Variants in MBOAT2 observed in about 807,000 individuals in gnomAD.
The protein encoded by MBOAT2 is membrane-bound glycerophospholipid O-acyltransferase 2.
MBOAT2 carries 28 observed loss-of-function variants against 63.4 expected under a neutral mutation model. That is an observed-to-expected ratio of 0.44 (90% CI 0.33 to 0.61). MBOAT2 has a LOEUF of 0.61. MBOAT2 is among the 20% of genes least tolerant of loss of function. The pLI, the probability that MBOAT2 is intolerant of heterozygous loss-of-function variation, is 0.03. For synonymous variants in MBOAT2, 211 were observed against 215.6 expected (o/e 0.98, Z 0.19); for missense variants, 470 against 605.8 (o/e 0.78, Z 2.35).
At chr2:8,890,511 T>C (rs774250281) in intron 4 of MBOAT2, among the ~76,000 whole-genome samples, 1 of 152,176 alleles carries the variant, frequency 6.6e-6, no homozygotes, top group Non-Finnish European at 1.5e-5. Flanking sequence ...GCACAAAATA[T>C]GTGCTAAATG....
intron 1 of MBOAT2, among the ~76,000 whole-genome samples, chr2:8,996,836 T>C (rs1672344087): frequency 6.6e-6 from 1 of 152,242 alleles, no homozygotes; most frequent in Non-Finnish European, 1.5e-5. Flanking sequence ...AGCAGAACCC[T>C]GAATGATACG....
At chr2:8,948,855 C>T (rs1668608980) in intron 2 of MBOAT2, among the ~76,000 whole-genome samples, 1 of 152,196 alleles carries the variant, frequency 6.6e-6, no homozygotes, top group South Asian at 2.1e-4. Context: ...GGGGTATATA[C>T]CCAGTAATGG....
At chr2:8,904,133 C>T (rs1277284795) in intron 4 of MBOAT2, among the ~76,000 whole-genome samples, 1 of 151,816 alleles carries the variant, frequency 6.6e-6, no homozygotes, top group Non-Finnish European at 1.5e-5. Context: ...TGCGCCACCA[C>T]GTGGCTAATT....
rs572025711 is a variant in MBOAT2 at position 8,913,123 on chromosome 2, G to A, written c.300-4407C>T. On this transcript the variant is annotated intron_variant, in intron 3 of 12. Coordinates refer to ENST00000305997, the MANE Select transcript of MBOAT2 (RefSeq NM_138799.4). ...CACCCTTTTCAACAAATGGATAATT[G>A]GCTAGCCACATGTAGGAGAATGAAA... is the stretch of plus-strand genomic sequence containing the variant. 7.0e-4 allele frequency among the ~76,000 whole-genome samples: 107 copies of A among 152,142 alleles called. 1 individual carries two copies. The highest frequency in any genetic ancestry group is 2.4e-3 in the African/African-American group (98 of 41,522).
chr2:8,974,524 G>GA (rs1434652795), intron 1 of MBOAT2: 1 of 431,304 alleles, frequency 2.3e-6, no homozygotes, highest in Non-Finnish European at 4.7e-6. Context: ...AACCAATCCA[G>GA]AAAGCATGCT....
chr2:8,886,843 G>T (rs929831940), intron 5 of MBOAT2, among the ~76,000 whole-genome samples: 1 of 152,168 alleles, frequency 6.6e-6, no homozygotes, highest in Non-Finnish European at 1.5e-5. Flanking sequence ...GCATACTACA[G>T]AAGTTCTAGC....
At chr2:8,924,522 G>A (rs1666804003) in intron 3 of MBOAT2, among the ~76,000 whole-genome samples, 1 of 152,132 alleles carries the variant, frequency 6.6e-6, no homozygotes, top group African/African-American at 2.4e-5. Flanking sequence ...AATCGTGAGG[G>A]ATTTTGTTTG....
At chr2:8,929,747 G>C (rs1475240729) in intron 3 of MBOAT2, among the ~76,000 whole-genome samples, 1 of 152,092 alleles carries the variant, frequency 6.6e-6, no homozygotes, top group Non-Finnish European at 1.5e-5. Flanking sequence ...TCTAGTAATG[G>C]GACTGCTGGG....
chr2:8,936,825 A>T (rs997246661), intron 3 of MBOAT2, among the ~76,000 whole-genome samples: 1 of 145,162 alleles, frequency 6.9e-6, no homozygotes, highest in Non-Finnish European at 1.5e-5. Flanking sequence ...AAGAAAAGAA[A>T]AAAAAAGAAA....
At chr2:8,876,733 G>GGGGGAAT (rs1662728381) in intron 7 of MBOAT2, among the ~76,000 whole-genome samples, 1 of 151,798 alleles carries the variant, frequency 6.6e-6, no homozygotes, top group Non-Finnish European at 1.5e-5. Flanking sequence ...GAAGGGGGAA[G>GGGGGAAT]GGAGCCTGGA....
intron 3 of MBOAT2, among the ~76,000 whole-genome samples, chr2:8,925,039 C>T (rs951768949): frequency 2.0e-5 from 3 of 152,072 alleles, no homozygotes; most frequent in Admixed American, 6.6e-5. Flanking sequence ...ATGGCAGAAT[C>T]GTGGAGCAAC....
At chr2:8,929,134 G>A (rs1667136036) in intron 3 of MBOAT2, among the ~76,000 whole-genome samples, 1 of 152,192 alleles carries the variant, frequency 6.6e-6, no homozygotes, top group Non-Finnish European at 1.5e-5. Context: ...TTGTATGCCA[G>A]GTGGGGATAA....
intron 1 of MBOAT2, among the ~76,000 whole-genome samples, chr2:8,971,881 T>C (rs898332930): frequency 2.0e-5 from 3 of 152,154 alleles, no homozygotes; most frequent in Non-Finnish European, 4.4e-5. Context: ...TACCAACAAA[T>C]GGAAGAACAT....
At chr2:8,976,839 T>C (rs953563422) in intron 1 of MBOAT2, among the ~76,000 whole-genome samples, 1 of 152,148 alleles carries the variant, frequency 6.6e-6, no homozygotes, top group East Asian at 1.9e-4. Context: ...AATAGGATAT[T>C]ACTTACTTAG....
chr2:8,932,639 G>C (rs903315501), intron 3 of MBOAT2, among the ~76,000 whole-genome samples: 29 of 151,956 alleles, frequency 1.9e-4, no homozygotes, highest in African/African-American at 5.1e-4. Context: ...CCAGTTACTG[G>C]TTTTGTGACC....
rs1392574515 is a variant in MBOAT2, at chr2:8,996,883, C to T, written c.75+6657G>A. On this transcript the variant is annotated intron_variant, in intron 1 of 12. Coordinates refer to ENST00000305997, the MANE Select transcript of MBOAT2 (RefSeq NM_138799.4). ...GCAGAATGTAAATGCCAGAACAATG[C>T]CAAATCCAAAATACTCTCGTGGCTC... is the stretch of plus-strand genomic sequence containing the variant. Among the ~76,000 whole-genome samples, 3 of 152,278 alleles carry T rather than the reference C, an allele frequency of 2.0e-5. No individual in the cohort carries two copies. The East Asian group carries it at 5.8e-4, about 29-fold the overall frequency.
chr2:8,931,984 G>A (rs953635603), intron 3 of MBOAT2, among the ~76,000 whole-genome samples: 3 of 152,046 alleles, frequency 2.0e-5, no homozygotes, highest in African/African-American at 4.8e-5. Flanking sequence ...TTCAATTTTC[G>A]CCATGAGGAA....
chr2:8,929,470 G>GC (rs533481707), intron 3 of MBOAT2, among the ~76,000 whole-genome samples: 13 of 152,134 alleles, frequency 8.5e-5, no homozygotes, highest in Non-Finnish European at 1.8e-4. Context: ...TCCGGCCTCA[G>GC]CCCCCCAAGT....
Position 8,855,353 on chromosome 2 carries a change from T to C in MBOAT2, c.*3326A>G, listed in dbSNP as rs1469596902. ...TGGCTCCTCCAAGTCTTAAGTCTCATGAAAGGCAGAACCAGAATGAAGATC... is the reference window on the plus strand; with the variant it reads ...TGGCTCCTCCAAGTCTTAAGTCTCACGAAAGGCAGAACCAGAATGAAGATC... On this transcript the variant is annotated 3_prime_UTR_variant, in exon 13 of 13. Transcript: ENST00000305997. 1.3e-5 allele frequency: 2 copies of C among 152,228 alleles called. No homozygotes were observed. The highest frequency in any genetic ancestry group is 4.8e-5 in the African/African-American group (2 of 41,440). The allele number at this position is 152,228 out of a possible 1,614,324, so 9.4% of individuals were successfully genotyped here.
Sources: allele counts gnomAD v4.1 joint callset (sites outside exome capture counted in the v4.1 genomes callset), GRCh38; gene constraint gnomAD v4.1.1; transcripts MANE v1.5; gene names NCBI Gene and HGNC (gene_info 2026-07-23, HGNC 2026-07-21).